Variants in SEC14L6 observed in about 807,000 individuals in gnomAD.
SEC14L6 encodes SEC14 like lipid binding 6, also known as SEC14-like protein 6.
Under a neutral mutation model 54.1 loss-of-function variants are expected in SEC14L6, and 40 were observed. The observed-to-expected ratio is 0.74, with a 90% CI of 0.57 to 0.96. The LOEUF (loss-of-function observed/expected upper bound fraction) is 0.96. SEC14L6 is among the 40% of genes least tolerant of loss of function. SEC14L6 has a pLI of 0.00. For missense variants in SEC14L6, 471 were observed against 498.3 expected (o/e 0.95, Z 0.52); for synonymous variants, 171 against 198.4 (o/e 0.86, Z 1.16).
intron 1 of SEC14L6, chr22:30,544,012 C>T: frequency 6.3e-7 from 1 of 1,592,786 alleles, no homozygotes; most frequent in Admixed American, 1.7e-5. Context: ...CAACCGGACC[C>T]CCAAGCAGCT....
chr22:30,532,943 T>C, intron 3 of SEC14L6, 87 bp from the exon 4 acceptor site: 1 of 1,554,914 alleles, frequency 6.4e-7, no homozygotes, highest in South Asian at 1.2e-5. Context: ...CAGGTCCCTC[T>C]GCCTGCAACC....
rs192409207 is a variant in SEC14L6 at position 30,530,175 on chromosome 22, G to T, written c.520-826C>A. 5.8e-3 allele frequency among the ~76,000 whole-genome samples: 883 copies of T among 152,092 alleles called. 8 individuals are homozygous for T. Among genetic ancestry groups the T allele is most frequent in the Middle Eastern group, 0.027 (8 of 294 alleles). ...CTGTAATCCCAAAGCACTTTGGGAG[G>T]CCAAAGTGGGAGGATCATGAGGTCA... On this transcript the variant is annotated intron_variant, in intron 6 of 11. Transcript: ENST00000402034.
chr22:30,538,348 A>G (rs2079312), intron 2 of SEC14L6, among the ~76,000 whole-genome samples: 101,294 of 148,094 alleles, frequency 0.68, 34,641 homozygotes, highest in Middle Eastern at 0.74. Context: ...AAAAAAAAAA[A>G]AAAGAAAGAA....
intron 1 of SEC14L6, chr22:30,542,870 C>A: frequency 1.3e-6 from 2 of 1,593,918 alleles, no homozygotes; most frequent in Non-Finnish European, 1.7e-6. Context: ...ACAAAGAGAA[C>A]CAACATGGAC....
intron 1 of SEC14L6, among the ~76,000 whole-genome samples, chr22:30,546,383 CAAAAAAAAAAAA>C (rs915640201): frequency 1.4e-4 from 7 of 49,864 alleles, no homozygotes; most frequent in Non-Finnish European, 2.5e-4. Context: ...AACTCCGTCT[CAAAAAAAAAAAA>C]AAAAAAAAAA....
intron 6 of SEC14L6, among the ~76,000 whole-genome samples, chr22:30,531,236 C>G (rs866460049): frequency 2.0e-5 from 3 of 151,536 alleles, no homozygotes; most frequent in Admixed American, 2.0e-4. Context: ...GGTGAAACCC[C>G]CTCTCTACTA....
intron 6 of SEC14L6, among the ~76,000 whole-genome samples, chr22:30,529,675 C>A (rs1378824989): frequency 1.3e-5 from 2 of 152,132 alleles, no homozygotes; most frequent in East Asian, 1.9e-4. Flanking sequence ...AACTCCTGGG[C>A]TCAAGTGATC....
Position 30,523,692 on chromosome 22 carries a change from T to A in SEC14L6, c.*1305A>T, listed in dbSNP as rs991015863. 1 of 152,052 alleles carries A rather than the reference T, an allele frequency of 6.6e-6. No individual in the cohort carries two copies. Among genetic ancestry groups the A allele is most frequent in the Non-Finnish European group, 1.5e-5 (1 of 68,044 alleles). The allele number at this position is 152,052 out of a possible 1,614,324, so 9.4% of individuals were successfully genotyped here. On this transcript the variant is annotated 3_prime_UTR_variant, in exon 12 of 12. Transcript: ENST00000402034. ...TCTTAATCAGGAGATTGGATGAAGATCCAGAGCTCAAGCAGATTCTCAGAT... is the reference window on the plus strand; with the variant it reads ...TCTTAATCAGGAGATTGGATGAAGAACCAGAGCTCAAGCAGATTCTCAGAT...
intron 8 of SEC14L6, among the ~76,000 whole-genome samples, 194 bp from the exon 9 acceptor site, chr22:30,526,126 A>G (rs912260339): frequency 6.6e-6 from 1 of 152,180 alleles, no homozygotes; most frequent in African/African-American, 2.4e-5. Flanking sequence ...GGGGCTCAGC[A>G]TGTGCTGTGT....
Position 30,532,549 on chromosome 22 carries a change from C to A in SEC14L6, c.399G>T (p.Arg133=), listed in dbSNP as rs1197867940. ...CCTTCTGACTCTGCAGCTCACACTC[C>A]CGCAGGAGCAGCTCGCAGCTCCGGA... ...DSFRSCELLL[R]ECELQSQKLG... Residue 133 remains arginine, a synonymous_variant, in exon 5 of 12, where the codon CGG becomes CGT. Transcript: ENST00000402034. The A allele has an allele frequency of 1.3e-6, 2 of 1,550,328 alleles. No homozygotes were observed. Among genetic ancestry groups the A allele is most frequent in the South Asian group, 2.4e-5 (2 of 84,038 alleles).
At chr22:30,535,268 GCCCAGCCTTAGCTGGGCTGTCA>G (rs1176533445) in intron 2 of SEC14L6, among the ~76,000 whole-genome samples, 5 of 152,188 alleles carry the variant, frequency 3.3e-5, no homozygotes, top group Admixed American at 2.0e-4. Context: ...TCTGCCCTGA[GCCCAGCCTTAGCTGGGCTGTCA>G]CCCAGCTTTC....
At chr22:30,534,066 G>A in intron 2 of SEC14L6, 27 bp from the exon 3 acceptor site, 1 of 1,550,348 alleles carries the variant, frequency 6.5e-7, no homozygotes, top group Non-Finnish European at 8.7e-7. Context: ...GGTTATGGTT[G>A]TGGAATTCTA....
chr22:30,535,868 G>A (rs1248025253), intron 2 of SEC14L6, among the ~76,000 whole-genome samples: 3 of 148,926 alleles, frequency 2.0e-5, no homozygotes, highest in African/African-American at 2.5e-5. Context: ...GCAACACCAC[G>A]CCTGGCTAAG....
At chr22:30,525,553 G>C (rs1936742748) in intron 10 of SEC14L6, 34 bp from the exon 11 acceptor site, 1 of 1,610,702 alleles carries the variant, frequency 6.2e-7, no homozygotes, top group African/African-American at 1.3e-5. Flanking sequence ...GCGACCCCCT[G>C]CCTGGGCTCC....
At chr22:30,525,306 C>G (rs759413901) in intron 11 of SEC14L6, 44 bp downstream of exon 11, 12 of 1,597,008 alleles carry the variant, frequency 7.5e-6, no homozygotes, top group Middle Eastern at 3.3e-4. Flanking sequence ...GCACCCTCCC[C>G]CTAGCCCCCA....
At chr22:30,529,245 C>T in intron 7 of SEC14L6, 44 bp downstream of exon 7, 3 of 1,545,778 alleles carry the variant, frequency 1.9e-6, no homozygotes, top group Non-Finnish European at 1.8e-6. Context: ...ACCGCACATC[C>T]CCTGTCCCCC....
intron 1 of SEC14L6, chr22:30,543,717 G>A: frequency 6.2e-7 from 1 of 1,603,854 alleles, no homozygotes; most frequent in Admixed American, 1.7e-5. Context: ...GCACCTTGCT[G>A]GTGGCCCTAC....
Position 30,546,578 on chromosome 22 carries a change from G to A in SEC14L6, c.54+51C>T, listed in dbSNP as rs1292027035. 8.0e-6 allele frequency: 12 copies of A among 1,497,428 alleles called. No individual in the cohort carries two copies. In the East Asian group the frequency reaches 1.5e-4, roughly 18 times the overall value. The allele number at this position is 1,497,428 out of a possible 1,614,324, so 92.8% of individuals were successfully genotyped here. On this transcript the variant is annotated intron_variant, in intron 1 of 11. Coordinates refer to ENST00000402034, the MANE Select transcript of SEC14L6 (RefSeq NM_001193336.4). ...GGGACCTTGAGTCCTGCCCTTCCCC[G>A]TGGCAGAAGGAGAAACTGAGGCTGG...
rs1426806499 is a variant in SEC14L6, at chr22:30,538,876, TAG to T, written c.79_80del (p.Leu27IlefsTer7). The T allele has an allele frequency of 7.1e-6, 11 of 1,555,996 alleles. No homozygotes were observed. Among genetic ancestry groups the T allele is most frequent in the Non-Finnish European group, 9.6e-6 (11 of 1,149,294 alleles). ...AQFRENIQDV[L>X]SALPNPDDYF... ...AGTCATCAGGATTGGGCAGCGCAGATAGCACATCTTGGATGTTCTCCCGGAAC... is the reference window on the plus strand; with the variant it reads ...AGTCATCAGGATTGGGCAGCGCAGATCACATCTTGGATGTTCTCCCGGAAC... On this transcript the variant is annotated frameshift_variant, in exon 2 of 12. Coordinates refer to ENST00000402034, the MANE Select transcript of SEC14L6 (RefSeq NM_001193336.4). LOFTEE classifies it high-confidence loss of function.
Sources: allele counts gnomAD v4.1 joint callset (sites outside exome capture counted in the v4.1 genomes callset), GRCh38; gene constraint gnomAD v4.1.1; transcripts MANE v1.5; gene names NCBI Gene and HGNC (gene_info 2026-07-23, HGNC 2026-07-21).